Variants in PRUNE1 observed in about 807,000 individuals in gnomAD.
PRUNE1 encodes prune exopolyphosphatase 1.
A neutral mutation model predicts 42.5 loss-of-function variants in PRUNE1; 25 were observed. The observed-to-expected ratio is 0.59, with a 90% CI of 0.43 to 0.82. The LOEUF is 0.82. Ranked by LOEUF, PRUNE1 falls within the 40% of genes least tolerant of loss-of-function variation. The pLI, the probability that PRUNE1 is intolerant of heterozygous loss-of-function variation, is 0.00. For missense variants in PRUNE1, 443 were observed against 539.3 expected (o/e 0.82, Z 1.77); for synonymous variants, 203 against 217.1 (o/e 0.93, Z 0.57).
At chr1:151,016,170 G>T (rs1411784582) in intron 1 of PRUNE1, among the ~76,000 whole-genome samples, 1 of 152,014 alleles carries the variant, frequency 6.6e-6, no homozygotes, top group African/African-American at 2.4e-5. Context: ...CCAGGAGGTG[G>T]AGGTTGCCGT....
intron 6 of PRUNE1, 60 bp downstream of exon 6, chr1:151,027,387 ATG>A: frequency 1.6e-6 from 2 of 1,255,582 alleles, no homozygotes; most frequent in African/African-American, 1.5e-5. Flanking sequence ...CATGTTATGC[ATG>A]TGGCCTTGCA....
At position 151,024,788 on chromosome 1, in the gene PRUNE1, T is replaced by A; in HGVS notation, c.513T>A (p.Leu171=). 1 of 1,611,342 alleles carries A rather than the reference T, an allele frequency of 6.2e-7. No homozygotes were observed. Among genetic ancestry groups the A allele is most frequent in the Non-Finnish European group, 8.5e-7 (1 of 1,178,586 alleles). The change falls in exon 4 of 8, where the codon CTT becomes CTA. Residue 171 remains leucine (L), a synonymous_variant. Transcript: ENST00000271620. ...TCTTGGACAGGCAAACTGCAGCCCT[T>A]CTGCATGGTAAGGGTGGCTTTTGGA... ...PEILDRQTAA[L]LHGTIILDCV...
intron 6 of PRUNE1, 89 bp from the exon 7 acceptor site, chr1:151,028,697 A>G (rs752335700): frequency 1.4e-6 from 2 of 1,390,006 alleles, no homozygotes; most frequent in Non-Finnish European, 2.0e-6. Flanking sequence ...TGCTAGGATT[A>G]TAGGCGTAAG....
chr1:151,016,999 A>G (rs1192833257), intron 1 of PRUNE1, among the ~76,000 whole-genome samples: 1 of 151,350 alleles, frequency 6.6e-6, no homozygotes, highest in Non-Finnish European at 1.5e-5. Flanking sequence ...CATCTCTACT[A>G]AAAATACAAA....
At chr1:151,020,654 T>TA (rs1558079295) in intron 3 of PRUNE1, among the ~76,000 whole-genome samples, 1 of 151,920 alleles carries the variant, frequency 6.6e-6, no homozygotes, top group Non-Finnish European at 1.5e-5. Context: ...CATAAACTCT[T>TA]ACGATTTTAG....
chr1:151,033,778 C>T, intron 7 of PRUNE1, 28 bp from the exon 8 acceptor site: 2 of 1,585,954 alleles, frequency 1.3e-6, no homozygotes, highest in Non-Finnish European at 1.7e-6. Flanking sequence ...AGTTGTGTAT[C>T]ATTTCCCTGT....
chr1:151,014,138 C>T (rs587734817), intron 1 of PRUNE1, among the ~76,000 whole-genome samples: 1 of 152,260 alleles, frequency 6.6e-6, no homozygotes, highest in East Asian at 1.9e-4. Flanking sequence ...CGCCACCACG[C>T]CTGGCTAATT....
chr1:151,023,898 A>C (rs1190609317), intron 3 of PRUNE1, among the ~76,000 whole-genome samples: 7 of 151,512 alleles, frequency 4.6e-5, no homozygotes, highest in African/African-American at 1.7e-4. Flanking sequence ...TAAAGAAAAG[A>C]ATTGCTGGGC....
Position 151,034,538 on chromosome 1 carries a change from A to C in PRUNE1, c.*304A>C. 1 of 328,984 alleles carries C rather than the reference A, an allele frequency of 3.0e-6. No individual in the cohort carries two copies. Among genetic ancestry groups the C allele is most frequent in the Non-Finnish European group, 5.7e-6 (1 of 175,568 alleles). 20.4% of individuals were successfully genotyped at this position (328,984 alleles called of 1,614,324 possible). ...AGTCCCAGCACAGTGGGACAAAAAG[A>C]ATTTAGACCCCAAAAGTGTCCTCGG... On this transcript the variant is annotated 3_prime_UTR_variant, in exon 8 of 8. Coordinates refer to ENST00000271620, the MANE Select transcript of PRUNE1 (RefSeq NM_021222.3).
intron 3 of PRUNE1, among the ~76,000 whole-genome samples, chr1:151,019,805 A>G (rs1674311744): frequency 7.2e-6 from 1 of 138,910 alleles, no homozygotes; most frequent in Non-Finnish European, 1.6e-5. Flanking sequence ...CTGGCCTGCA[A>G]CTCTATTTTT....
In PRUNE1 at chr1:151,008,457, A is replaced by T. The variant is rs915752903; in HGVS notation, c.-176A>T. 1.2e-5 allele frequency: 13 copies of T among 1,096,668 alleles called. No individual in the cohort carries two copies. Among genetic ancestry groups the T allele is most frequent in the South Asian group, 4.3e-5 (3 of 69,770 alleles). The allele number at this position is 1,096,668 out of a possible 1,614,324, so 67.9% of individuals were successfully genotyped here. ...ACGCCGGACTCCGGAGCGCCCGCTT[A>T]CGCAGTTCCTCCCGGGGTCGGAGGC... On this transcript the variant is annotated 5_prime_UTR_variant, in exon 1 of 8. Transcript: ENST00000271620.
intron 6 of PRUNE1, 29 bp downstream of exon 6, chr1:151,027,356 G>A: frequency 2.0e-6 from 3 of 1,523,584 alleles, no homozygotes; most frequent in Non-Finnish European, 2.7e-6. Flanking sequence ...TGTGGGTGGG[G>A]AGAGAAAGCC....
At chr1:151,011,701 T>C (rs1490258932) in intron 1 of PRUNE1, among the ~76,000 whole-genome samples, 1 of 152,152 alleles carries the variant, frequency 6.6e-6, no homozygotes, top group Non-Finnish European at 1.5e-5. Context: ...CCCCCTCCTC[T>C]TGAGGCCACA....
rs1675065093 is a variant in PRUNE1 at position 151,029,084 on chromosome 1, T to C, written c.933+140T>C. ...TACATGAGGTCCCTTGACCTGTTTC[T>C]GGACCTGTTTCCTCCCCTTTCTGCT... On this transcript the variant is annotated intron_variant, in intron 7 of 7. Transcript: ENST00000271620. 3 of 803,674 alleles carry C rather than the reference T, an allele frequency of 3.7e-6. No homozygotes were observed. In the Admixed American group the frequency reaches 1.0e-4, roughly 28 times the overall value. 49.8% of individuals were successfully genotyped at this position (803,674 alleles called of 1,614,324 possible).
intron 7 of PRUNE1, among the ~76,000 whole-genome samples, chr1:151,032,693 G>A (rs1238421550): frequency 5.2e-5 from 7 of 134,398 alleles, no homozygotes; most frequent in African/African-American, 1.4e-4. Flanking sequence ...CAGCCTGGGC[G>A]ACAGAGCAAG....
At chr1:151,024,924 A>G in intron 4 of PRUNE1, 129 bp downstream of exon 4, 1 of 994,642 alleles carries the variant, frequency 1.0e-6, no homozygotes, top group Non-Finnish European at 1.5e-6. Flanking sequence ...ACCAAAAGAT[A>G]GGATTCTTTC....
At chr1:151,033,516 G>A (rs986998393) in intron 7 of PRUNE1, among the ~76,000 whole-genome samples, 11 of 149,422 alleles carry the variant, frequency 7.4e-5, no homozygotes, top group Non-Finnish European at 1.3e-4. Context: ...TCAGCCTCCC[G>A]AGTAGCTGGG....
intron 3 of PRUNE1, among the ~76,000 whole-genome samples, chr1:151,021,018 C>T (rs1477430664): frequency 1.3e-5 from 2 of 150,322 alleles, no homozygotes; most frequent in Non-Finnish European, 3.0e-5. Flanking sequence ...TGGTGGCTCG[C>T]GCCTGTAAGT....
At chr1:151,027,782 G>A (rs1232806600) in intron 6 of PRUNE1, among the ~76,000 whole-genome samples, 6 of 125,266 alleles carry the variant, frequency 4.8e-5, no homozygotes, top group African/African-American at 2.0e-4. Context: ...GTGTGTGTGT[G>A]CGCGCGCGTG....
Sources: gnomAD v4.1 joint callset for allele counts (sites outside exome capture counted in the v4.1 genomes callset) on GRCh38, gnomAD v4.1.1 for gene constraint, MANE v1.5 for transcripts, NCBI Gene and HGNC (gene_info 2026-07-23, HGNC 2026-07-21) for gene names.